Variants in SMYD3 observed in about 807,000 individuals in gnomAD.
SMYD3 encodes the protein histone-lysine N-methyltransferase SMYD3.
SMYD3 carries 36 observed loss-of-function variants against 57.7 expected under a neutral mutation model. That is an observed-to-expected ratio of 0.62 (90% CI 0.48 to 0.82). SMYD3 has a LOEUF of 0.82. Ranked by LOEUF, SMYD3 falls within the 40% of genes least tolerant of loss-of-function variation. The pLI is 0.00. For synonymous variants in SMYD3, 211 were observed against 195.0 expected (o/e 1.08, Z -0.68); for missense variants, 515 against 538.8 (o/e 0.96, Z 0.44).
chr1:246,139,872 G>A (rs1361877873), intron 5 of SMYD3, among the ~76,000 whole-genome samples: 1 of 152,158 alleles, frequency 6.6e-6, no homozygotes, highest in Non-Finnish European at 1.5e-5. Flanking sequence ...ATATGCCATG[G>A]ATAGTCCGCA....
At chr1:246,215,691 G>A (rs10924559) in intron 5 of SMYD3, among the ~76,000 whole-genome samples, 26,918 of 151,978 alleles carry the variant, frequency 0.18, 2,760 homozygotes, top group East Asian at 0.34. Context: ...CCACAGAAAG[G>A]GGCCAGCGGA....
intron 7 of SMYD3, among the ~76,000 whole-genome samples, chr1:245,917,482 A>G (rs6674405): frequency 0.99 from 150,397 of 152,300 alleles, 74,294 homozygotes; most frequent in Middle Eastern, 1. Flanking sequence ...AGTTTCCCTC[A>G]TTGCTGCTGC....
intron 5 of SMYD3, among the ~76,000 whole-genome samples, chr1:246,057,102 C>T (rs773812142): frequency 7.2e-5 from 11 of 152,150 alleles, no homozygotes; most frequent in Non-Finnish European, 1.2e-4. Flanking sequence ...AGTCCATCCT[C>T]GGCAACACAG....
chr1:246,227,925 T>C (rs543790998), intron 5 of SMYD3, among the ~76,000 whole-genome samples: 79 of 152,036 alleles, frequency 5.2e-4, no homozygotes, highest in African/African-American at 1.9e-3. Flanking sequence ...TATTTATATT[T>C]ACCTAACACC....
At chr1:245,870,845 C>T (rs1439215918) in intron 8 of SMYD3, among the ~76,000 whole-genome samples, 1 of 151,928 alleles carries the variant, frequency 6.6e-6, no homozygotes, top group Admixed American at 6.6e-5. Flanking sequence ...ACACACGAAT[C>T]CATCCAGACC....
At chr1:246,399,585 C>G (rs1411812859) in intron 1 of SMYD3, among the ~76,000 whole-genome samples, 1 of 152,118 alleles carries the variant, frequency 6.6e-6, no homozygotes, top group South Asian at 2.1e-4. Flanking sequence ...CTCAACTGAT[C>G]TGCCCGGGTC....
chr1:245,993,147 C>T (rs1303473664), intron 5 of SMYD3, among the ~76,000 whole-genome samples: 5 of 152,220 alleles, frequency 3.3e-5, no homozygotes, highest in East Asian at 1.9e-4. Context: ...CTGTTTGAAG[C>T]GTTACACCCT....
chr1:245,970,512 G>T (rs954885546), intron 5 of SMYD3, among the ~76,000 whole-genome samples: 2 of 152,164 alleles, frequency 1.3e-5, no homozygotes, highest in East Asian at 1.9e-4. Flanking sequence ...AAGTATCAGA[G>T]GAAACAGGCA....
At chr1:246,376,317 A>G (rs913969858) in intron 1 of SMYD3, among the ~76,000 whole-genome samples, 4 of 152,120 alleles carry the variant, frequency 2.6e-5, no homozygotes, top group African/African-American at 9.7e-5. Flanking sequence ...AGCAGGGCAC[A>G]GTAGCTTTGG....
At chr1:246,436,190 GA>G (rs56349877) in intron 1 of SMYD3, among the ~76,000 whole-genome samples, 17 of 141,452 alleles carry the variant, frequency 1.2e-4, no homozygotes, top group South Asian at 2.2e-4. Context: ...TTTCTTATTT[GA>G]AAAAAAAAAA....
chr1:245,989,901 A>C (rs2058782765), intron 5 of SMYD3, among the ~76,000 whole-genome samples: 3 of 152,250 alleles, frequency 2.0e-5, no homozygotes, highest in African/African-American at 7.2e-5. Flanking sequence ...TTAAGATATA[A>C]AAATTCAATT....
chr1:246,043,852 G>A, intron 5 of SMYD3, among the ~76,000 whole-genome samples: 1 of 152,162 alleles, frequency 6.6e-6, no homozygotes, highest in East Asian at 1.9e-4. Flanking sequence ...TTAGAGCCCT[G>A]CCAGAGGAGA....
At chr1:246,419,825 C>G (rs2067116497) in intron 1 of SMYD3, among the ~76,000 whole-genome samples, 2 of 152,250 alleles carry the variant, frequency 1.3e-5, no homozygotes, top group South Asian at 2.1e-4. Flanking sequence ...CCCCCTCACT[C>G]TATATCCCTG....
At chr1:246,265,928 T>C (rs2064097344) in intron 5 of SMYD3, among the ~76,000 whole-genome samples, 1 of 152,258 alleles carries the variant, frequency 6.6e-6, no homozygotes, top group Non-Finnish European at 1.5e-5. Flanking sequence ...GAGAATCTTC[T>C]GTTCTGTGTT....
At chr1:246,384,344 C>A (rs552194607) in intron 1 of SMYD3, among the ~76,000 whole-genome samples, 1 of 151,858 alleles carries the variant, frequency 6.6e-6, no homozygotes, top group African/African-American at 2.4e-5. Flanking sequence ...GAGATGGACA[C>A]ACACACAAAA....
At chr1:246,379,619 C>T (rs1312402990) in intron 1 of SMYD3, among the ~76,000 whole-genome samples, 1 of 152,190 alleles carries the variant, frequency 6.6e-6, no homozygotes, top group East Asian at 1.9e-4. Context: ...ACAGTAACTA[C>T]TTCTTAGCCT....
intron 10 of SMYD3, among the ~76,000 whole-genome samples, chr1:245,809,727 A>G (rs2048360152): frequency 6.6e-6 from 1 of 152,244 alleles, no homozygotes; most frequent in African/African-American, 2.4e-5. Context: ...CAATGAAAAG[A>G]GGATCCTGGC....
At chr1:245,940,613 C>T (rs185553925) in intron 5 of SMYD3, among the ~76,000 whole-genome samples, 44 of 151,918 alleles carry the variant, frequency 2.9e-4, no homozygotes, top group Middle Eastern at 3.4e-3. Flanking sequence ...ACCACTACCA[C>T]CGACATCATC....
chr1:246,078,523 A>C (rs1387829141), intron 5 of SMYD3, among the ~76,000 whole-genome samples: 3 of 152,170 alleles, frequency 2.0e-5, no homozygotes, highest in Non-Finnish European at 4.4e-5. Flanking sequence ...TCCTCCTGCG[A>C]GGATGTGAAG....
Sources: gnomAD v4.1 joint callset for allele counts (sites outside exome capture counted in the v4.1 genomes callset) on GRCh38, gnomAD v4.1.1 for gene constraint, MANE v1.5 for transcripts, NCBI Gene and HGNC (gene_info 2026-07-23, HGNC 2026-07-21) for gene names.